Variants in IGF2BP1 observed in about 807,000 individuals in gnomAD.
IGF2BP1 encodes the protein insulin like growth factor 2 mRNA binding protein 1, also known as insulin-like growth factor 2 mRNA-binding protein 1.
In IGF2BP1, 11 loss-of-function variants were observed where a neutral mutation model predicts 74.9. The observed-to-expected ratio is 0.15, with a 90% CI of 0.09 to 0.24. The LOEUF is 0.24. Ranked by LOEUF, IGF2BP1 falls within the 10% of genes least tolerant of loss-of-function variation. IGF2BP1 has a pLI of 1.00. For missense variants in IGF2BP1, 440 were observed against 757.4 expected (o/e 0.58, Z 4.92); for synonymous variants, 287 against 281.8 (o/e 1.02, Z -0.18).
intron 12 of IGF2BP1, 46 bp downstream of exon 12, chr17:49,045,111 G>A (rs745951084): frequency 6.5e-7 from 1 of 1,545,348 alleles, no homozygotes; most frequent in Non-Finnish European, 8.9e-7. Context: ...AGGAATTGAG[G>A]TTGGGTATTT....
In IGF2BP1 at chr17:49,025,671, GTGTT is replaced by G. The variant is rs746086203; in HGVS notation, c.285+8_285+11del. The G allele has an allele frequency of 1.1e-4, 171 of 1,611,194 alleles. No homozygotes were observed. The highest frequency in any genetic ancestry group is 1.4e-4 in the Non-Finnish European group (160 of 1,179,292). On this transcript the variant is annotated splice_donor_region_variant and intron_variant, in intron 3 of 14. Coordinates refer to ENST00000290341, the MANE Select transcript of IGF2BP1 (RefSeq NM_006546.4). ...CCACCCCAGCTCCGATGGGAAGTAA[GTGTT>G]TGGGGGAAACTCTAAATGGAGTGGG...
intron 2 of IGF2BP1, among the ~76,000 whole-genome samples, chr17:49,022,752 C>T (rs1450504909): frequency 6.6e-6 from 1 of 152,204 alleles, no homozygotes; most frequent in Non-Finnish European, 1.5e-5. Context: ...GAAAGAAAGC[C>T]TCTAAAACTG....
At chr17:49,019,946 A>ATATATATATT (rs2041765794) in intron 2 of IGF2BP1, among the ~76,000 whole-genome samples, 1 of 42,320 alleles carries the variant, frequency 2.4e-5, no homozygotes, top group Non-Finnish European at 4.7e-5. Flanking sequence ...ATATATATAT[A>ATATATATATT]TATTTATATA....
chr17:49,030,657 G>A (rs563700595), intron 4 of IGF2BP1, among the ~76,000 whole-genome samples: 7 of 149,626 alleles, frequency 4.7e-5, no homozygotes, highest in East Asian at 2.0e-4. Flanking sequence ...ACAGAGTCTC[G>A]CTCTGTCGCC....
Position 48,997,856 on chromosome 17 carries a change from C to G in IGF2BP1, c.111C>G (p.Ser37=). The change falls in exon 1 of 15, where the codon TCC becomes TCG. Residue 37 remains serine, a synonymous_variant. Transcript: ENST00000290341. This position sits in a 1 kb window ranked among gnomAD's most constrained non-coding sequence, Gnocchi z 4.8. ...ISYSGQFLVK[S]GYAFVDCPDE... ...ACAGCGGCCAGTTCTTGGTCAAATC[C>G]GGCTACGCCTTCGTGGACTGCCCGG... 1 of 1,614,214 alleles carries G rather than the reference C, an allele frequency of 6.2e-7. No individual in the cohort carries two copies. Among genetic ancestry groups the G allele is most frequent in the Non-Finnish European group, 8.5e-7 (1 of 1,180,026 alleles).
chr17:49,033,114 T>G (rs934273524), intron 5 of IGF2BP1, among the ~76,000 whole-genome samples: 12 of 152,168 alleles, frequency 7.9e-5, no homozygotes, highest in African/African-American at 2.9e-4. Flanking sequence ...GCCTGCCCTT[T>G]GTTACCTCGT....
intron 4 of IGF2BP1, among the ~76,000 whole-genome samples, chr17:49,030,008 G>C (rs1321549928): frequency 6.6e-6 from 1 of 151,966 alleles, no homozygotes; most frequent in African/African-American, 2.4e-5. Context: ...AATTTTGATG[G>C]GATCAATGAC....
rs2042190040 is a variant in IGF2BP1, at chr17:49,053,433, G to GT, written c.*3990dup. ...CTTCAGAGGCTCCTGGGGGATTAGG[G>GT]TGTGGTGTTTGCCAAGCCAAGGGGT... On this transcript the variant is annotated 3_prime_UTR_variant, in exon 15 of 15. Transcript: ENST00000290341. 6.5e-6 allele frequency: 1 copy of GT among 152,702 alleles called. No homozygotes were observed. Among genetic ancestry groups the GT allele is most frequent in the Non-Finnish European group, 1.5e-5 (1 of 68,078 alleles). 9.5% of individuals were successfully genotyped at this position (152,702 alleles called of 1,614,324 possible).
rs2042013751 is a variant in IGF2BP1 at position 49,038,531 on chromosome 17, T to C, written c.683+82T>C. 2.9e-5 allele frequency: 38 copies of C among 1,296,998 alleles called. No individual in the cohort carries two copies. The South Asian group carries it at 6.6e-4, about 23-fold the overall frequency. The allele number at this position is 1,296,998 out of a possible 1,614,324, so 80.3% of individuals were successfully genotyped here. A position where few individuals can be genotyped will look rare whatever the true frequency, so the allele number is the denominator to read the frequency against. On this transcript the variant is annotated intron_variant, in intron 6 of 14. Coordinates refer to ENST00000290341, the MANE Select transcript of IGF2BP1 (RefSeq NM_006546.4). ...CTAAAGAGGCCTCCTGGAAGCATGC[T>C]GGAGACATCAACATTTACCTTTTAG... is the stretch of plus-strand genomic sequence containing the variant.
chr17:49,010,738 G>A (rs1173409270), intron 2 of IGF2BP1, among the ~76,000 whole-genome samples: 1 of 152,054 alleles, frequency 6.6e-6, no homozygotes, highest in Non-Finnish European at 1.5e-5. Context: ...AAAGACAGAG[G>A]TACAAGGCCA....
chr17:49,044,422 G>A (rs1329896878), intron 11 of IGF2BP1, among the ~76,000 whole-genome samples: 5 of 152,042 alleles, frequency 3.3e-5, no homozygotes, highest in African/African-American at 7.2e-5. Context: ...CACTTTCCTC[G>A]TCAGTACAAT....
chr17:49,014,791 C>T (rs2041672987), intron 2 of IGF2BP1: 12 of 985,376 alleles, frequency 1.2e-5, no homozygotes, highest in Non-Finnish European at 1.4e-5. Flanking sequence ...GCACTAAGGA[C>T]CCCGAGGAGC....
intron 2 of IGF2BP1, among the ~76,000 whole-genome samples, chr17:49,019,564 T>G (rs1243825966): frequency 6.6e-6 from 1 of 152,140 alleles, no homozygotes; most frequent in East Asian, 1.9e-4. Flanking sequence ...GCTTTAAAAT[T>G]ACCATGCATA....
At chr17:49,035,596 C>T (rs879595495) in intron 5 of IGF2BP1, among the ~76,000 whole-genome samples, 11 of 152,204 alleles carry the variant, frequency 7.2e-5, no homozygotes, top group Non-Finnish European at 1.2e-4. Context: ...TGTGGGGCCC[C>T]ACCACATGGC....
At chr17:49,007,932 G>T (rs2041570035) in intron 2 of IGF2BP1, among the ~76,000 whole-genome samples, 1 of 152,202 alleles carries the variant, frequency 6.6e-6, no homozygotes. Flanking sequence ...AGCACTTTGG[G>T]AGGTTGAAGT....
intron 8 of IGF2BP1, among the ~76,000 whole-genome samples, 179 bp downstream of exon 8, chr17:49,041,679 C>T (rs2042054338): frequency 6.6e-6 from 1 of 152,200 alleles, no homozygotes; most frequent in African/African-American, 2.4e-5. Flanking sequence ...ACTGGATCTG[C>T]CCATTCCCAC....
At chr17:49,042,013 T>C (rs565514020) in intron 8 of IGF2BP1, among the ~76,000 whole-genome samples, 1 of 152,324 alleles carries the variant, frequency 6.6e-6, no homozygotes, top group East Asian at 1.9e-4. Flanking sequence ...ATTGGATCCA[T>C]TGCTAACAGA....
chr17:49,028,179 T>C (rs528040578), intron 4 of IGF2BP1, among the ~76,000 whole-genome samples: 16 of 152,214 alleles, frequency 1.1e-4, no homozygotes, highest in African/African-American at 3.6e-4. Flanking sequence ...CAAAACAAAA[T>C]AAGTTTTGTC....
chr17:49,038,874 A>ATCTTTTTTTTTTT lies in IGF2BP1; in HGVS notation c.683+426_683+427insCTTTTTTTTTTTT, dbSNP rs1491495832. ...CTGCCACTGCCACCTTCTTTCTTTA[A>ATCTTTTTTTTTTT]TATTTTTTTTTTTTTTTTTTTGAGA... On this transcript the variant is annotated intron_variant, in intron 6 of 14. Transcript: ENST00000290341. Among the ~76,000 whole-genome samples the ATCTTTTTTTTTTT allele has an allele frequency of 4.4e-4, 33 of 75,278 alleles. 3 individuals carry two copies. The highest frequency in any genetic ancestry group is 1.5e-3 in the African/African-American group (27 of 17,864). The allele number at this position is 75,278 out of a possible 152,430, so 49.4% of individuals were successfully genotyped here.
Sources: allele counts gnomAD v4.1 joint callset (sites outside exome capture counted in the v4.1 genomes callset), GRCh38; gene constraint gnomAD v4.1.1; non-coding constraint Gnocchi (gnomAD v3.1); transcripts MANE v1.5; gene names NCBI Gene and HGNC (gene_info 2026-07-23, HGNC 2026-07-21).